PPP2R3C: variants seen among roughly 807,000 people sequenced by gnomAD.
PPP2R3C encodes protein phosphatase 2 regulatory subunit B''gamma.
PPP2R3C carries 47 observed loss-of-function variants against 63.7 expected under a neutral mutation model. The observed-to-expected ratio is 0.74, with a 90% CI of 0.58 to 0.94. PPP2R3C has a LOEUF of 0.94. Among genes scored for constraint, PPP2R3C ranks in the 40% least tolerant of loss-of-function variants. PPP2R3C has a pLI of 0.00. For missense variants in PPP2R3C, 421 were observed against 518.4 expected, an observed-to-expected ratio of 0.81 and a Z score of 1.82; for synonymous variants, 180 against 177.4, an observed-to-expected ratio of 1.01 and a Z score of -0.12.
chr14:35,116,249 CT>C (rs141583042), intron 2 of PPP2R3C, among the ~76,000 whole-genome samples: 15,989 of 151,598 alleles, frequency 0.11, 1,071 homozygotes, highest in African/African-American at 0.19. Flanking sequence ...TTTAAAACTA[CT>C]TTTTTTTCTG....
chr14:35,088,062 C>T lies in PPP2R3C; in HGVS notation c.1114-52G>A, dbSNP rs770781321. On this transcript the variant is annotated intron_variant, in intron 11 of 12. Coordinates refer to ENST00000261475, the MANE Select transcript of PPP2R3C (RefSeq NM_017917.4). ...AATAAAAAATGAAATACACAACATC[C>T]CTCTTTTGCCCTACAACCCCTTTCT... The T allele has an allele frequency of 3.9e-6, 5 of 1,279,376 alleles. No homozygotes were observed. The East Asian group carries it at 1.2e-4, about 30-fold the overall frequency. The allele number at this position is 1,279,376 out of a possible 1,614,324, so 79.3% of individuals were successfully genotyped here.
At chr14:35,101,051 C>T (rs55805245) in intron 6 of PPP2R3C, 31,559 of 152,254 alleles carry the variant, frequency 0.21, 3,955 homozygotes, top group Non-Finnish European at 0.29. Flanking sequence ...TCTCAGCTTA[C>T]TGCAACCTCC....
intron 6 of PPP2R3C, chr14:35,101,815 T>G (rs2046199845): frequency 6.6e-6 from 1 of 152,076 alleles, no homozygotes; most frequent in Non-Finnish European, 1.5e-5. Flanking sequence ...CTGGGAGCTT[T>G]TTATATATTA....
At chr14:35,109,971 A>G in intron 3 of PPP2R3C, 40 bp from the exon 4 acceptor site, 3 of 1,430,332 alleles carry the variant, frequency 2.1e-6, no homozygotes, top group South Asian at 1.2e-5. Context: ...GTAAGTTAAA[A>G]ACAACAAGAT....
intron 2 of PPP2R3C, among the ~76,000 whole-genome samples, chr14:35,112,418 A>G (rs1034265238): frequency 1.1e-4 from 16 of 152,282 alleles, no homozygotes; most frequent in Middle Eastern, 3.4e-3. Flanking sequence ...AATTTACTTT[A>G]AAGAGTTCTT....
chr14:35,098,844 G>A (rs2138644668), intron 7 of PPP2R3C: 1 of 157,516 alleles, frequency 6.3e-6, no homozygotes. Flanking sequence ...CTGGCTAAAT[G>A]GCTCTCATAT....
intron 1 of PPP2R3C, among the ~76,000 whole-genome samples, chr14:35,117,745 GGC>G (rs766770555): frequency 6.6e-6 from 1 of 151,696 alleles, no homozygotes; most frequent in Non-Finnish European, 1.5e-5. Context: ...CCCAGGCTGG[GGC>G]GCAATGGTAC....
At chr14:35,117,839 C>A (rs2046752531) in intron 1 of PPP2R3C, among the ~76,000 whole-genome samples, 1 of 152,092 alleles carries the variant, frequency 6.6e-6, no homozygotes, top group South Asian at 2.1e-4. Context: ...GGATTACGGG[C>A]ATGTGCCACC....
rs761902473 is a variant in PPP2R3C, at chr14:35,095,057, A to G, written c.966T>C (p.Asp322=). The G allele has an allele frequency of 6.8e-6, 11 of 1,605,896 alleles. No homozygotes were observed. The East Asian group carries it at 2.5e-4, about 36-fold the overall frequency. Residue 322 remains aspartate, a synonymous_variant, in exon 10 of 13, where the codon GAT becomes GAC. Transcript: ENST00000261475. ...AGATTTAAACTACTACCATTTCTCC[A>G]TCATAAGTGAGACACTCCTGGAAAA... is the stretch of plus-strand genomic sequence containing the variant. ...DRVFQECLTY[D]GEMDYKTYLD...
chr14:35,116,849 A>G, intron 1 of PPP2R3C, 112 bp from the exon 2 acceptor site: 3 of 869,222 alleles, frequency 3.5e-6, no homozygotes, highest in East Asian at 3.4e-5. Flanking sequence ...AGTGCCAAAA[A>G]GGCCTTCACA....
intron 4 of PPP2R3C, among the ~76,000 whole-genome samples, chr14:35,109,238 G>C (rs2046464205): frequency 6.6e-6 from 1 of 151,864 alleles, no homozygotes; most frequent in Non-Finnish European, 1.5e-5. Flanking sequence ...TGTATTTTTA[G>C]TAGAGACGGG....
intron 1 of PPP2R3C, among the ~76,000 whole-genome samples, chr14:35,118,792 T>A (rs2046778219): frequency 2.0e-5 from 3 of 151,780 alleles, no homozygotes; most frequent in African/African-American, 7.3e-5. Context: ...TAGCTGGGAT[T>A]ACAGACACTT....
intron 7 of PPP2R3C, among the ~76,000 whole-genome samples, chr14:35,097,229 A>C (rs1417159159): frequency 1.3e-5 from 2 of 152,148 alleles, no homozygotes; most frequent in Non-Finnish European, 2.9e-5. Context: ...CCTGCAAAAA[A>C]AAAAGAGAAA....
At chr14:35,087,854 A>C (rs752731416) in intron 12 of PPP2R3C, 97 bp downstream of exon 12, 2 of 919,384 alleles carry the variant, frequency 2.2e-6, no homozygotes, top group African/African-American at 3.3e-5. Context: ...CTTGATTCAA[A>C]TAGTACTTCA....
chr14:35,122,165 GA>G (rs1044537233), upstream of PPP2R3C: 45 of 576,228 alleles, frequency 7.8e-5, no homozygotes, highest in East Asian at 1.1e-3. Flanking sequence ...CTGACTGGGG[GA>G]AAAAACTATG....
rs569029448 is a variant in PPP2R3C at position 35,096,383 on chromosome 14, A to G, written c.838+175T>C. Among the ~76,000 whole-genome samples the G allele has an allele frequency of 2.0e-5, 3 of 152,290 alleles. No individual in the cohort carries two copies. In the South Asian group the frequency reaches 6.2e-4, roughly 32 times the overall value. On this transcript the variant is annotated intron_variant, in intron 9 of 12. Transcript: ENST00000261475. ...AAGAAAAGGTTGGGGGGAGTCCAAA[A>G]AGTTAAAACATCGGTATTTAAACAA...
At chr14:35,092,212 G>A (rs180845756) in intron 10 of PPP2R3C, among the ~76,000 whole-genome samples, 1 of 152,112 alleles carries the variant, frequency 6.6e-6, no homozygotes, top group Non-Finnish European at 1.5e-5. Context: ...GAGACTACAG[G>A]TACACGCCAT....
At chr14:35,095,800 G>A (rs1394635186) in intron 9 of PPP2R3C, among the ~76,000 whole-genome samples, 3 of 138,888 alleles carry the variant, frequency 2.2e-5, no homozygotes, top group Non-Finnish European at 3.0e-5. Context: ...GCAGTGAGCC[G>A]AGATCATGCC....
intron 6 of PPP2R3C, among the ~76,000 whole-genome samples, chr14:35,104,628 T>C (rs771383602): frequency 2.6e-5 from 4 of 152,208 alleles, no homozygotes; most frequent in African/African-American, 4.8e-5. Flanking sequence ...TGTTGATAAC[T>C]TGGCCTAATT....
Sources: gnomAD v4.1 joint callset for allele counts (sites outside exome capture counted in the v4.1 genomes callset) on GRCh38, gnomAD v4.1.1 for gene constraint, MANE v1.5 for transcripts, NCBI Gene and HGNC (gene_info 2026-07-23, HGNC 2026-07-21) for gene names.